Variants in PEAK1 observed in about 807,000 individuals in gnomAD.
PEAK1 encodes the protein inactive tyrosine-protein kinase PEAK1.
A neutral mutation model predicts 124.7 loss-of-function variants in PEAK1; 54 were observed. The observed-to-expected ratio is 0.43, with a 90% CI of 0.35 to 0.54. The LOEUF is 0.54. Among genes scored for constraint, PEAK1 ranks in the 20% least tolerant of loss-of-function variants. PEAK1 has a pLI of 0.01. For missense variants in PEAK1, 2,046 were observed against 2,134.5 expected (o/e 0.96, Z 0.82); for synonymous variants, 719 against 760.0 (o/e 0.95, Z 0.89).
intron 5 of PEAK1, among the ~76,000 whole-genome samples, chr15:77,271,694 C>T (rs141883572): frequency 0.03 from 4,540 of 152,224 alleles, 87 homozygotes; most frequent in Non-Finnish European, 0.045. Flanking sequence ...AAAAACCAAA[C>T]ACCGCATGTT....
intron 5 of PEAK1, among the ~76,000 whole-genome samples, chr15:77,267,739 T>C (rs1434401551): frequency 1.3e-5 from 2 of 152,148 alleles, no homozygotes; most frequent in East Asian, 1.9e-4. Flanking sequence ...GATCTTCCCT[T>C]TGATATAGTA....
intron 2 of PEAK1, among the ~76,000 whole-genome samples, chr15:77,306,827 C>T (rs555145946): frequency 6.6e-6 from 1 of 152,216 alleles, no homozygotes; most frequent in Non-Finnish European, 1.5e-5. Context: ...CTTACAAGTG[C>T]TATTGCCAAC....
At chr15:77,218,648 T>C (rs113998494) in intron 6 of PEAK1, among the ~76,000 whole-genome samples, 1,828 of 152,172 alleles carry the variant, frequency 0.012, 34 homozygotes, top group African/African-American at 0.04. Flanking sequence ...ACAGGCACAA[T>C]TATAGTGCAC....
chr15:77,353,450 C>T lies in PEAK1; in HGVS notation c.-603+11713G>A, dbSNP rs186755242. Among the ~76,000 whole-genome samples, 16 of 152,068 alleles carry T rather than the reference C, an allele frequency of 1.1e-4. No homozygotes were observed. The East Asian group carries it at 2.7e-3, about 26-fold the overall frequency. On this transcript the variant is annotated intron_variant, in intron 2 of 9. Transcript: ENST00000682557. The stretch of plus-strand genomic sequence containing the variant: ...CTGGTTTCAAGACTGGGTGGTGGAC[C>T]GAAGCTGGACCCTGGCTTGAAGAGC...
intron 8 of PEAK1, among the ~76,000 whole-genome samples, chr15:77,134,932 T>C (rs1050392606): frequency 2.0e-5 from 3 of 152,054 alleles, no homozygotes; most frequent in Non-Finnish European, 2.9e-5. Context: ...AAAAACACCA[T>C]GTAAAGACAG....
rs1014523922 is a variant in PEAK1 at position 77,355,749 on chromosome 15, G to A, written c.-603+9414C>T. The A allele has an allele frequency of 3.9e-5, 38 of 984,670 alleles. No individual in the cohort carries two copies. In the South Asian group the frequency reaches 4.7e-4, roughly 12 times the overall value. 61.0% of individuals were successfully genotyped at this position (984,670 alleles called of 1,614,324 possible). A position where few individuals can be genotyped will look rare whatever the true frequency, so the allele number is the denominator to read the frequency against. On this transcript the variant is annotated intron_variant, in intron 2 of 9. Transcript: ENST00000682557. Reference sequence around the variant, plus strand: ...CCAGATTAAAGTTGCCTGTAATTACGTAAATCAGGTCTAAGAAGGCTGAGA... The same window carrying A: ...CCAGATTAAAGTTGCCTGTAATTACATAAATCAGGTCTAAGAAGGCTGAGA...
At chr15:77,331,883 T>C (rs1033128667) in intron 2 of PEAK1, among the ~76,000 whole-genome samples, 1 of 151,902 alleles carries the variant, frequency 6.6e-6, no homozygotes, top group African/African-American at 2.4e-5. Flanking sequence ...CCCAAAGTGC[T>C]GGGATTACAG....
intron 8 of PEAK1, among the ~76,000 whole-genome samples, chr15:77,153,890 C>G (rs1323072232): frequency 6.6e-6 from 1 of 151,996 alleles, no homozygotes; most frequent in African/African-American, 2.4e-5. Context: ...TTGCTGAGGA[C>G]TGCTTTACTT....
At chr15:77,381,436 T>C in intron 1 of PEAK1, 1 of 942,590 alleles carries the variant, frequency 1.1e-6, no homozygotes, top group Non-Finnish European at 1.3e-6. Context: ...TTAAAAAAAA[T>C]AATTTTTTCT....
At chr15:77,393,500 GACC>G (rs2141945247) in intron 1 of PEAK1, among the ~76,000 whole-genome samples, 1 of 152,262 alleles carries the variant, frequency 6.6e-6, no homozygotes, top group South Asian at 2.1e-4. Flanking sequence ...CTAGTTCCTG[GACC>G]ACATTTCTAG....
Position 77,158,685 on chromosome 15 carries a change from T to C in PEAK1, c.3149A>G (p.His1050Arg), listed in dbSNP as rs763720694. 3.7e-6 allele frequency: 6 copies of C among 1,613,524 alleles called. No individual in the cohort carries two copies. Among genetic ancestry groups the C allele is most frequent in the Non-Finnish European group, 4.2e-6 (5 of 1,179,452 alleles). Residue 1050 changes from histidine to arginine, a missense_variant, in exon 8 of 10, where the codon CAT becomes CGT. By Grantham distance (29) the His-to-Arg change is conservative (BLOSUM62 0). Transcript: ENST00000682557. ...IPKKILSHMT[H>R]EVTEDFSPRD... ...AGGAGAAAAATCCTCTGTTACTTCA[T>C]GGGTCATGTGACTGAAACAAATCAG...
At chr15:77,346,589 T>C in intron 2 of PEAK1, 1 of 985,346 alleles carries the variant, frequency 1.0e-6, no homozygotes, top group Non-Finnish European at 1.2e-6. Context: ...AAGAGGTTTT[T>C]CCCTTCTTCT....
intron 6 of PEAK1, among the ~76,000 whole-genome samples, chr15:77,209,795 T>C (rs991759167): frequency 6.6e-6 from 1 of 152,204 alleles, no homozygotes; most frequent in African/African-American, 2.4e-5. Context: ...TTACCTTATA[T>C]GGATTCTCCC....
chr15:77,138,669 G>A (rs533540981), intron 8 of PEAK1, among the ~76,000 whole-genome samples: 8 of 152,088 alleles, frequency 5.3e-5, no homozygotes, highest in Non-Finnish European at 8.8e-5. Flanking sequence ...TTTGAGACCA[G>A]CCTGGCCAAC....
intron 2 of PEAK1, among the ~76,000 whole-genome samples, chr15:77,332,751 T>A (rs1246376843): frequency 6.6e-6 from 1 of 151,278 alleles, no homozygotes; most frequent in African/African-American, 2.4e-5. Flanking sequence ...AGGTACTTCA[T>A]TTTTTTTTAA....
chr15:77,297,750 T>C (rs1277062721), intron 2 of PEAK1, among the ~76,000 whole-genome samples: 1 of 115,548 alleles, frequency 8.7e-6, no homozygotes, highest in Non-Finnish European at 1.7e-5. Flanking sequence ...AGAGTGAGAT[T>C]TTGCCTCAAA....
chr15:77,104,047 C>T (rs530890864), downstream of PEAK1: 5 of 152,310 alleles, frequency 3.3e-5, no homozygotes, highest in African/African-American at 1.2e-4. Flanking sequence ...TGGGCCTATC[C>T]GCTGGCACAA....
chr15:77,414,769 T>C (rs995458770), intron 1 of PEAK1, among the ~76,000 whole-genome samples: 3 of 152,242 alleles, frequency 2.0e-5, no homozygotes, highest in African/African-American at 4.8e-5. Context: ...ACTCCACAAA[T>C]AGAAGCTAGT....
At chr15:77,325,966 A>G (rs2065550639) in intron 2 of PEAK1, among the ~76,000 whole-genome samples, 1 of 152,164 alleles carries the variant, frequency 6.6e-6, no homozygotes, top group South Asian at 2.1e-4. Flanking sequence ...AACTAGTACA[A>G]ATTTAAAAAA....
Sources: gnomAD v4.1 joint callset for allele counts (sites outside exome capture counted in the v4.1 genomes callset) on GRCh38, gnomAD v4.1.1 for gene constraint, MANE v1.5 for transcripts, NCBI Gene and HGNC (gene_info 2026-07-23, HGNC 2026-07-21) for gene names.